C1QTNF3: variants seen among roughly 807,000 people sequenced by gnomAD.
The protein encoded by C1QTNF3 is C1q and TNF related 3.
Under a neutral mutation model 32.6 loss-of-function variants are expected in C1QTNF3, and 26 were observed. That is an observed-to-expected ratio of 0.80 (90% CI 0.58 to 1.11). C1QTNF3 has a LOEUF of 1.11. Among genes scored for constraint, C1QTNF3 ranks in the 50% least tolerant of loss-of-function variants. C1QTNF3 has a pLI of 0.00. For synonymous variants in C1QTNF3, 155 were observed against 146.0 expected (o/e 1.06, Z -0.44); for missense variants, 362 against 398.2 (o/e 0.91, Z 0.77).
At chr5:34,217,430 T>C in the C1QTNF3 span, among the ~76,000 whole-genome samples, 10 of 152,142 alleles carry the variant, frequency 6.6e-5, no homozygotes, top group Admixed American at 4.6e-4. Context: ...CAGGAACCTA[T>C]ACACTTACAT....
the C1QTNF3 span, among the ~76,000 whole-genome samples, chr5:34,142,326 G>A: frequency 1.3e-5 from 2 of 152,106 alleles, no homozygotes; most frequent in Non-Finnish European, 2.9e-5. Flanking sequence ...CAGCTACTTG[G>A]GAGGCTGAGG....
At chr5:34,040,810 C>T (rs1008995790) in intron 1 of C1QTNF3, among the ~76,000 whole-genome samples, 4 of 121,040 alleles carry the variant, frequency 3.3e-5, no homozygotes, top group Non-Finnish European at 5.3e-5. Flanking sequence ...GTCTCTGTTG[C>T]AGCACTTTTT....
the C1QTNF3 span, among the ~76,000 whole-genome samples, chr5:34,160,863 A>C: frequency 1.3e-5 from 2 of 152,174 alleles, no homozygotes; most frequent in South Asian, 2.1e-4. Context: ...ATGTGAAACA[A>C]AATCTGCAAT....
chr5:34,052,172 T>C, the C1QTNF3 span, among the ~76,000 whole-genome samples: 1 of 152,170 alleles, frequency 6.6e-6, no homozygotes, highest in East Asian at 1.9e-4. Flanking sequence ...TACTAAACTT[T>C]ATTGTGTTAA....
At chr5:34,144,002 A>G in the C1QTNF3 span, among the ~76,000 whole-genome samples, 1 of 152,184 alleles carries the variant, frequency 6.6e-6, no homozygotes, top group Admixed American at 6.5e-5. Context: ...GGATAAAAAG[A>G]CAAGAATTAA....
chr5:34,129,360 T>C, the C1QTNF3 span, among the ~76,000 whole-genome samples: 1 of 152,192 alleles, frequency 6.6e-6, no homozygotes, highest in African/African-American at 2.4e-5. Context: ...ATGTTCTCAC[T>C]TTTATGTGGA....
At chr5:34,129,701 G>A in the C1QTNF3 span, among the ~76,000 whole-genome samples, 1 of 151,774 alleles carries the variant, frequency 6.6e-6, no homozygotes, top group African/African-American at 2.4e-5. Context: ...CTTTAAACTG[G>A]AAGCTGTAAA....
chr5:34,146,515 C>T, the C1QTNF3 span, among the ~76,000 whole-genome samples: 1 of 152,134 alleles, frequency 6.6e-6, no homozygotes, highest in African/African-American at 2.4e-5. Context: ...TAAAGACTCA[C>T]ACTTACAATC....
At chr5:34,027,261 T>C (rs1407204409) in intron 4 of C1QTNF3, among the ~76,000 whole-genome samples, 3 of 152,220 alleles carry the variant, frequency 2.0e-5, no homozygotes. Context: ...AATAAGTGCT[T>C]TCATATCTTG....
chr5:34,133,131 C>T, the C1QTNF3 span, among the ~76,000 whole-genome samples: 1 of 152,150 alleles, frequency 6.6e-6, no homozygotes, highest in South Asian at 2.1e-4. Flanking sequence ...TCATATCAAC[C>T]TCTCCCCTTC....
the C1QTNF3 span, among the ~76,000 whole-genome samples, chr5:34,155,356 A>G: frequency 6.6e-6 from 1 of 152,216 alleles, no homozygotes; most frequent in African/African-American, 2.4e-5. Context: ...AATAACCTAC[A>G]AGTAATCCCG....
chr5:34,208,055 G>T, the C1QTNF3 span, among the ~76,000 whole-genome samples: 46 of 152,272 alleles, frequency 3.0e-4, no homozygotes, highest in South Asian at 4.0e-3. Context: ...CTCCCAAAGT[G>T]CTGGGATTAC....
At chr5:34,100,011 G>C in the C1QTNF3 span, among the ~76,000 whole-genome samples, 4 of 152,044 alleles carry the variant, frequency 2.6e-5, no homozygotes, top group Non-Finnish European at 4.4e-5. Context: ...GTGTAACAAA[G>C]TACAACAGGA....
the C1QTNF3 span, among the ~76,000 whole-genome samples, chr5:34,222,463 T>G: frequency 3.3e-5 from 5 of 151,558 alleles, no homozygotes; most frequent in Non-Finnish European, 7.4e-5. Context: ...AGCAAAAATA[T>G]TAAATGAAAA....
chr5:34,131,150 G>A, the C1QTNF3 span, among the ~76,000 whole-genome samples: 1 of 152,044 alleles, frequency 6.6e-6, no homozygotes, highest in Non-Finnish European at 1.5e-5. Context: ...AAAATATAAT[G>A]AAATATTCCA....
chr5:34,163,854 T>C, the C1QTNF3 span, among the ~76,000 whole-genome samples: 4 of 152,272 alleles, frequency 2.6e-5, no homozygotes, highest in East Asian at 7.7e-4. Flanking sequence ...ATCTTGCCTA[T>C]CCAAACAACA....
the C1QTNF3 span, among the ~76,000 whole-genome samples, chr5:34,243,628 G>A: frequency 6.6e-6 from 1 of 152,052 alleles, no homozygotes; most frequent in South Asian, 2.1e-4. Flanking sequence ...GGAATACTAT[G>A]CCTCCATAAA....
At chr5:34,230,917 G>A in the C1QTNF3 span, among the ~76,000 whole-genome samples, 1 of 151,850 alleles carries the variant, frequency 6.6e-6, no homozygotes, top group South Asian at 2.1e-4. Context: ...TCTATTTTTT[G>A]GTGTTGTTAT....
chr5:34,241,942 AGGGAG>A, the C1QTNF3 span, among the ~76,000 whole-genome samples: 1 of 74,452 alleles, frequency 1.3e-5, no homozygotes, highest in African/African-American at 3.6e-5. Context: ...GAAGGGAGGA[AGGGAG>A]GGAGGGAAGG....
Sources: gnomAD v4.1 joint callset for allele counts (sites outside exome capture counted in the v4.1 genomes callset) on GRCh38, gnomAD v4.1.1 for gene constraint, MANE v1.5 for transcripts, NCBI Gene and HGNC (gene_info 2026-07-23, HGNC 2026-07-21) for gene names.